PKNOX1: variants seen among roughly 807,000 people sequenced by gnomAD.
PKNOX1 encodes the protein homeobox protein PKNOX1.
In PKNOX1, 15 loss-of-function variants were observed where a neutral mutation model predicts 51.9. That is an observed-to-expected ratio of 0.29 (90% CI 0.19 to 0.45). The LOEUF is 0.45. Ranked by LOEUF, PKNOX1 falls within the 20% of genes least tolerant of loss-of-function variation. The pLI is 1.00. For synonymous variants in PKNOX1, 219 were observed against 211.1 expected, an observed-to-expected ratio of 1.04 and a Z score of -0.32; for missense variants, 462 against 547.5, an observed-to-expected ratio of 0.84 and a Z score of 1.56.
rs954476201 is a variant in PKNOX1 at position 43,021,077 on chromosome 21, C to G, written c.721-226C>G. On this transcript the variant is annotated intron_variant, in intron 7 of 10. Transcript: ENST00000291547. This position sits in a 1 kb window ranked among gnomAD's most constrained non-coding sequence, Gnocchi z 4.6. ...TGAGCCGTGACTGCACCACTGCACTCCAGCCTGAGTGACAGAGCAAGATCC... is the reference window on the plus strand; with the variant it reads ...TGAGCCGTGACTGCACCACTGCACTGCAGCCTGAGTGACAGAGCAAGATCC... The G allele has an allele frequency of 9.2e-6, 3 of 325,088 alleles. No individual in the cohort carries two copies. Among genetic ancestry groups the G allele is most frequent in the African/African-American group, 6.5e-5 (3 of 46,176 alleles). 20.1% of individuals were successfully genotyped at this position (325,088 alleles called of 1,614,324 possible).
intron 1 of PKNOX1, among the ~76,000 whole-genome samples, chr21:42,983,247 C>G (rs1324807840): frequency 2.0e-5 from 3 of 152,116 alleles, no homozygotes; most frequent in African/African-American, 7.2e-5. Flanking sequence ...CTCCAGAACC[C>G]TTCATCTTGT....
At chr21:43,020,293 C>T (rs765923646) in intron 7 of PKNOX1, among the ~76,000 whole-genome samples, 18 of 152,142 alleles carry the variant, frequency 1.2e-4, no homozygotes, top group Admixed American at 2.0e-4. Flanking sequence ...GCGGACCCTA[C>T]GGAGCGATTT....
In PKNOX1 at chr21:43,028,176, C is replaced by T. The variant is rs369513989; in HGVS notation, c.927-526C>T. Among the ~76,000 whole-genome samples the T allele has an allele frequency of 2.0e-5, 3 of 152,202 alleles. No homozygotes were observed. The East Asian group carries it at 5.8e-4, about 29-fold the overall frequency. Reference sequence around the variant, plus strand: ...AAAAGATGCAGCTCTTGCCTTAGATCGTGCTTTGTGGTGAAACAAGAGGAG... The same window carrying T: ...AAAAGATGCAGCTCTTGCCTTAGATTGTGCTTTGTGGTGAAACAAGAGGAG... On this transcript the variant is annotated intron_variant, in intron 9 of 10. Coordinates refer to ENST00000291547, the MANE Select transcript of PKNOX1 (RefSeq NM_004571.5).
chr21:42,980,776 ACT>A (rs1299173008), intron 1 of PKNOX1, among the ~76,000 whole-genome samples: 1 of 152,094 alleles, frequency 6.6e-6, no homozygotes, highest in East Asian at 1.9e-4. Context: ...TTTTTGTGAC[ACT>A]CTAATGCTTT....
chr21:42,989,759 C>T (rs534902672), intron 1 of PKNOX1, among the ~76,000 whole-genome samples: 15 of 152,054 alleles, frequency 9.9e-5, no homozygotes, highest in South Asian at 2.1e-4. Context: ...GAACTCAAGG[C>T]GGAAGCATTA....
intron 7 of PKNOX1, among the ~76,000 whole-genome samples, chr21:43,018,658 GC>G (rs1406336831): frequency 1.3e-5 from 2 of 151,972 alleles, no homozygotes. Flanking sequence ...AGTGAGCCTG[GC>G]CCACACCTCC....
rs968262006 is a variant in PKNOX1 at position 43,026,845 on chromosome 21, G to C, written c.927-1857G>C. 2.7e-5 allele frequency among the ~76,000 whole-genome samples: 3 copies of C among 111,734 alleles called. No individual in the cohort carries two copies. The East Asian group carries it at 1.1e-3, about 40-fold the overall frequency. The allele number at this position is 111,734 out of a possible 152,430, so 73.3% of individuals were successfully genotyped here. A position where few individuals can be genotyped will look rare whatever the true frequency, so the allele number is the denominator to read the frequency against. ...GGGGTTGTGGGTGGCCATGGAGCTT[G>C]TGCTGCAGGGATCACCAGGTTCCTC... is the stretch of plus-strand genomic sequence containing the variant. On this transcript the variant is annotated intron_variant, in intron 9 of 10. Coordinates refer to ENST00000291547, the MANE Select transcript of PKNOX1 (RefSeq NM_004571.5).
chr21:42,990,263 GAATA>G (rs1003211959), intron 1 of PKNOX1, among the ~76,000 whole-genome samples: 12 of 151,882 alleles, frequency 7.9e-5, no homozygotes, highest in Non-Finnish European at 1.5e-4. Context: ...CGTCATAAAT[GAATA>G]AATAAATAAA....
intron 3 of PKNOX1, 46 bp downstream of exon 3, chr21:43,007,664 G>A (rs1979058523): frequency 5.0e-6 from 8 of 1,608,268 alleles, no homozygotes; most frequent in African/African-American, 1.3e-5. Flanking sequence ...GGAGTGAGGA[G>A]TGTCCACAAG....
Position 43,019,835 on chromosome 21 carries a change from C to T in PKNOX1, c.721-1468C>T, listed in dbSNP as rs552380950. Among the ~76,000 whole-genome samples the T allele has an allele frequency of 2.6e-5, 4 of 152,110 alleles. No individual in the cohort carries two copies. In the South Asian group the frequency reaches 8.3e-4, roughly 32 times the overall value. On this transcript the variant is annotated intron_variant, in intron 7 of 10. Transcript: ENST00000291547. ...GGGATTACAGGCGTGAGCTACTGCA[C>T]CCAGCTCTCAAGAAGGTTGGTGTTC...
In PKNOX1 at chr21:43,010,097, A is replaced by C. The variant is rs749303854; in HGVS notation, c.224A>C (p.Glu75Ala). 1 of 1,578,216 alleles carries C rather than the reference A, an allele frequency of 6.3e-7. No homozygotes were observed. The highest frequency in any genetic ancestry group is 1.2e-5 in the South Asian group (1 of 83,514). ...TTAGCTTTGTTGTTTGAAAAATGTG[A>C]ACAATCTACACAGGGCTCTGAAGGC... is the stretch of plus-strand genomic sequence containing the variant. ...PLLALLFEKCEQSTQGSEGTT... is the reference protein window; with the variant it reads ...PLLALLFEKCAQSTQGSEGTT... The change falls in exon 4 of 11, where the codon GAA becomes GCA. Residue 75 changes from glutamate (E) to alanine (A), a missense_variant. By Grantham distance (107) the Glu-to-Ala change is moderately radical. Transcript: ENST00000291547.
rs549746350 is a variant in PKNOX1, at chr21:42,984,647, C to T, written c.-57+9983C>T. Among the ~76,000 whole-genome samples, 49 of 152,342 alleles carry T rather than the reference C, an allele frequency of 3.2e-4. 1 individual carries two copies. Among genetic ancestry groups the T allele is most frequent in the Non-Finnish European group, 2.9e-5 (2 of 68,028 alleles). ...AGGTGATCTGTCTGCCTTGGCCTCC[C>T]AAAGTGCTGGGATTATAGGCGTGAG... On this transcript the variant is annotated intron_variant, in intron 1 of 10. Transcript: ENST00000291547.
intron 3 of PKNOX1, among the ~76,000 whole-genome samples, chr21:43,009,277 G>GTT (rs1979134602): frequency 7.2e-5 from 2 of 27,932 alleles, no homozygotes; most frequent in Non-Finnish European, 1.8e-4. Flanking sequence ...GAGAAACCCT[G>GTT]TCTCTAAAGA....
chr21:43,013,183 G>A lies in PKNOX1; in HGVS notation c.467G>A (p.Ser156Asn). The A allele has an allele frequency of 6.2e-7, 1 of 1,613,964 alleles. No homozygotes were observed. Among genetic ancestry groups the A allele is most frequent in the Non-Finnish European group, 8.5e-7 (1 of 1,179,880 alleles). The change falls in exon 5 of 11, where the codon AGT (serine) becomes AAT (asparagine). Residue 156 changes from serine (S) to asparagine (N), a missense_variant. Physicochemically the swap from Ser to Asn is conservative, Grantham distance 46. Transcript: ENST00000291547. ...YIACLKTKMN[S>N]ETLLSGEPGS... Reference sequence around the variant, plus strand: ...GCTTGTCTGAAAACAAAAATGAACAGTGAAACTCTGTTGAGTGGAGAGCCT... The same window carrying A: ...GCTTGTCTGAAAACAAAAATGAACAATGAAACTCTGTTGAGTGGAGAGCCT...
chr21:42,996,425 A>G (rs939292768), intron 1 of PKNOX1, among the ~76,000 whole-genome samples: 1 of 145,354 alleles, frequency 6.9e-6, no homozygotes. Flanking sequence ...TGGACCATAA[A>G]CACTCGGGGA....
chr21:43,011,939 C>G (rs144321054), intron 4 of PKNOX1, among the ~76,000 whole-genome samples: 6 of 152,252 alleles, frequency 3.9e-5, no homozygotes, highest in African/African-American at 7.2e-5. Flanking sequence ...TCCCATTGGC[C>G]CACACCTGGC....
intron 1 of PKNOX1, among the ~76,000 whole-genome samples, chr21:42,992,780 A>G (rs2059094206): frequency 8.0e-6 from 1 of 125,026 alleles, no homozygotes; most frequent in Non-Finnish European, 1.6e-5. Context: ...GCTTCCTCAC[A>G]GCACTGGGGG....
At chr21:43,009,300 C>T (rs949838978) in intron 3 of PKNOX1, among the ~76,000 whole-genome samples, 2 of 151,554 alleles carry the variant, frequency 1.3e-5, no homozygotes, top group African/African-American at 4.8e-5. Flanking sequence ...CAAAATTAGC[C>T]GAGTCATGGT....
chr21:43,025,056 TC>T, intron 9 of PKNOX1, 109 bp downstream of exon 9: 1 of 722,538 alleles, frequency 1.4e-6, no homozygotes, highest in Non-Finnish European at 2.4e-6. Context: ...TCTCTCTTTT[TC>T]TTTTTTCCCA....
Sources: gnomAD v4.1 joint callset for allele counts (sites outside exome capture counted in the v4.1 genomes callset) on GRCh38, gnomAD v4.1.1 for gene constraint, Gnocchi (gnomAD v3.1) non-coding constraint, MANE v1.5 for transcripts, NCBI Gene and HGNC (gene_info 2026-07-23, HGNC 2026-07-21) for gene names.